The following PLA2G1B variants were observed in gnomAD, a reference collection of about 807,000 sequenced individuals.
PLA2G1B encodes the protein phospholipase A2.
A neutral mutation model predicts 12.5 loss-of-function variants in PLA2G1B; 12 were observed. The observed-to-expected ratio is 0.96, with a 90% CI of 0.62 to 1.56. The LOEUF (loss-of-function observed/expected upper bound fraction) is 1.56. Ranked by LOEUF, PLA2G1B falls within the 40% of genes most tolerant of loss-of-function variation. The pLI is 0.00. For synonymous variants in PLA2G1B, 81 were observed against 73.4 expected (o/e 1.10, Z -0.53); for missense variants, 189 against 186.7 (o/e 1.01, Z -0.07).
intron 3 of PLA2G1B, among the ~76,000 whole-genome samples, chr12:120,323,829 A>G (rs942727529): frequency 6.6e-6 from 1 of 152,218 alleles, no homozygotes; most frequent in African/African-American, 2.4e-5. Context: ...GCAATATGAA[A>G]AAGTCATAAC....
In PLA2G1B at chr12:120,325,983, C is replaced by T; in HGVS notation, c.72G>A (p.Val24=). 2 of 1,614,144 alleles carry T rather than the reference C, an allele frequency of 1.2e-6. No individual in the cohort carries two copies. Among genetic ancestry groups the T allele is most frequent in the South Asian group, 2.2e-5 (2 of 91,086 alleles). ...AADSGISPRA[V]WQFRKMIKCV... ...ACTTGATCATTTTGCGGAACTGCCACACGGCCCGAGGGCTGATGCCGCTGT... is the reference window on the plus strand; with the variant it reads ...ACTTGATCATTTTGCGGAACTGCCATACGGCCCGAGGGCTGATGCCGCTGT... The change falls in exon 2 of 4, where the codon GTG becomes GTA. Residue 24 remains valine, a synonymous_variant. Transcript: ENST00000308366.
intron 3 of PLA2G1B, among the ~76,000 whole-genome samples, chr12:120,323,622 T>C (rs1175746664): frequency 6.6e-6 from 1 of 151,230 alleles, no homozygotes; most frequent in East Asian, 1.9e-4. Flanking sequence ...CTTGTCTTAG[T>C]TGCAAACATT....
Position 120,322,149 on chromosome 12 carries a change from T to C in PLA2G1B, c.*44A>G. 6.2e-7 allele frequency: 1 copy of C among 1,602,472 alleles called. No individual in the cohort carries two copies. The highest frequency in any genetic ancestry group is 1.3e-5 in the African/African-American group (1 of 74,690). ...CAAGGTGCTTTATTGGAGAGTACAGTGTGAGATGAGGCAGATAGAGGTGAT... is the reference window on the plus strand; with the variant it reads ...CAAGGTGCTTTATTGGAGAGTACAGCGTGAGATGAGGCAGATAGAGGTGAT... On this transcript the variant is annotated 3_prime_UTR_variant, in exon 4 of 4. Coordinates refer to ENST00000308366, the MANE Select transcript of PLA2G1B (RefSeq NM_000928.3).
intron 3 of PLA2G1B, among the ~76,000 whole-genome samples, chr12:120,323,084 T>C (rs9657941): frequency 0.057 from 8,721 of 152,248 alleles, 380 homozygotes; most frequent in Admixed American, 0.15. Context: ...TGCCTTCCAC[T>C]TTCCATAATA....
intron 2 of PLA2G1B, among the ~76,000 whole-genome samples, chr12:120,325,644 G>A (rs1330840951): frequency 6.6e-6 from 1 of 152,194 alleles, no homozygotes; most frequent in Non-Finnish European, 1.5e-5. Flanking sequence ...GGGCAGCATC[G>A]CCCACTGTTT....
In PLA2G1B at chr12:120,325,713, G is replaced by C. The variant is rs887351178; in HGVS notation, c.194+148C>G. 5.3e-6 allele frequency: 4 copies of C among 761,714 alleles called. No homozygotes were observed. The African/African-American group carries it at 7.1e-5, about 14-fold the overall frequency. 47.2% of individuals were successfully genotyped at this position (761,714 alleles called of 1,614,324 possible). Reference sequence around the variant, plus strand: ...GTGCGTTCGCTACAGGGTCCTCTTGGAACATATTTGTTTATTTGACAAGAG... The same window carrying C: ...GTGCGTTCGCTACAGGGTCCTCTTGCAACATATTTGTTTATTTGACAAGAG... On this transcript the variant is annotated intron_variant, in intron 2 of 3. Transcript: ENST00000308366.
rs1348271327 is a variant in PLA2G1B at position 120,325,971 on chromosome 12, G to C, written c.84C>G (p.Arg28=). 6.2e-7 allele frequency: 1 copy of C among 1,614,096 alleles called. No homozygotes were observed. ...CCGGGATCACGCACTTGATCATTTT[G>C]CGGAACTGCCACACGGCCCGAGGGC... The part of the protein sequence containing the change: ...GISPRAVWQF[R]KMIKCVIPGS... Residue 28 remains arginine (R), a synonymous_variant, in exon 2 of 4, where the codon CGC becomes CGG. Transcript: ENST00000308366.
intron 1 of PLA2G1B, among the ~76,000 whole-genome samples, chr12:120,326,767 G>A (rs1873359854): frequency 1.3e-5 from 2 of 151,740 alleles, no homozygotes; most frequent in Admixed American, 1.3e-4. Context: ...TCATGAGATC[G>A]AGACCATCCT....
At chr12:120,323,652 G>C (rs1873281006) in intron 3 of PLA2G1B, among the ~76,000 whole-genome samples, 1 of 146,490 alleles carries the variant, frequency 6.8e-6, no homozygotes, top group South Asian at 2.1e-4. Context: ...CTGTGTGTGA[G>C]TGTGTGTGTG....
intron 2 of PLA2G1B, 24 bp downstream of exon 2, chr12:120,325,837 T>C (rs1447310015): frequency 1.2e-6 from 2 of 1,611,480 alleles, no homozygotes; most frequent in Non-Finnish European, 1.7e-6. Flanking sequence ...GGCACTCCAA[T>C]TTTCCTGCAG....
intron 3 of PLA2G1B, among the ~76,000 whole-genome samples, chr12:120,324,049 C>A (rs551772818): frequency 1.3e-5 from 2 of 152,144 alleles, no homozygotes; most frequent in Non-Finnish European, 2.9e-5. Context: ...CAGTGACTCA[C>A]GCCTATAATT....
At chr12:120,326,183 G>GT (rs11328110) in intron 1 of PLA2G1B, 163 bp from the exon 2 acceptor site, 2,261 of 337,438 alleles carry the variant, frequency 6.7e-3, no homozygotes, top group Non-Finnish European at 8.5e-3. Context: ...GTGGGTAGAG[G>GT]TTTTTTTTTT....
intron 1 of PLA2G1B, among the ~76,000 whole-genome samples, chr12:120,326,876 C>T (rs1184458494): frequency 4.6e-5 from 7 of 151,964 alleles, no homozygotes; most frequent in African/African-American, 1.4e-4. Context: ...GAGGCTGAGG[C>T]GGGAGAATGG....
At position 120,322,715 on chromosome 12, in the gene PLA2G1B, T is replaced by C. The variant is rs9657943; in HGVS notation, c.323-398A>G. The stretch of plus-strand genomic sequence containing the variant: ...GATACTCCTGCCTCAGACTCCTGAG[T>C]AGCTGGGACTACAGGTGCTCGCCAC... On this transcript the variant is annotated intron_variant, in intron 3 of 3. Coordinates refer to ENST00000308366, the MANE Select transcript of PLA2G1B (RefSeq NM_000928.3). Among the ~76,000 whole-genome samples, 1,306 of 152,246 alleles carry C rather than the reference T, an allele frequency of 8.6e-3. 15 individuals carry two copies. Among genetic ancestry groups the C allele is most frequent in the African/African-American group, 0.03 (1,241 of 41,526 alleles).
In PLA2G1B at chr12:120,322,193, T is replaced by G; in HGVS notation, c.447A>C (p.Ter149CysextTer20). ...AGGTGATGCTTTTGAGAGGTGATATTCAACTCTGACAATACTTCTTGGTGT... is the reference window on the plus strand; with the variant it reads ...AGGTGATGCTTTTGAGAGGTGATATGCAACTCTGACAATACTTCTTGGTGT... ...NLDTKKYCQS[*>C] is the part of the protein sequence containing the mutation. Residue 149 changes from the stop codon to cysteine (C), a stop_lost, in exon 4 of 4, where the codon TGA becomes TGC. Transcript: ENST00000308366. The G allele has an allele frequency of 6.2e-7, 1 of 1,614,012 alleles. No individual in the cohort carries two copies. The highest frequency in any genetic ancestry group is 8.5e-7 in the Non-Finnish European group (1 of 1,179,938).
intron 1 of PLA2G1B, 138 bp downstream of exon 1, chr12:120,327,582 G>A: frequency 1.2e-6 from 1 of 825,188 alleles, no homozygotes. Context: ...GAGCCCTTAA[G>A]CCCCACTGGG....
At chr12:120,323,446 A>C (rs1003188449) in intron 3 of PLA2G1B, among the ~76,000 whole-genome samples, 1 of 152,058 alleles carries the variant, frequency 6.6e-6, no homozygotes, top group Non-Finnish European at 1.5e-5. Flanking sequence ...TTGTATTTTT[A>C]GTAGAGATAG....
intron 3 of PLA2G1B, among the ~76,000 whole-genome samples, chr12:120,323,257 T>A (rs916876930): frequency 1.3e-5 from 2 of 152,066 alleles, no homozygotes; most frequent in African/African-American, 4.8e-5. Flanking sequence ...TTCTCTCCGA[T>A]CCTTTATTTT....
At chr12:120,326,543 C>T (rs1161966558) in intron 1 of PLA2G1B, among the ~76,000 whole-genome samples, 1 of 148,184 alleles carries the variant, frequency 6.7e-6, no homozygotes, top group Non-Finnish European at 1.5e-5. Flanking sequence ...GTGCCAGGCT[C>T]TGTCCTAGGA....
Sources: gnomAD v4.1 joint callset for allele counts (sites outside exome capture counted in the v4.1 genomes callset) on GRCh38, gnomAD v4.1.1 for gene constraint, MANE v1.5 for transcripts, NCBI Gene and HGNC (gene_info 2026-07-23, HGNC 2026-07-21) for gene names.